Variants in ALDH9A1 observed in about 807,000 individuals in gnomAD.
The protein encoded by ALDH9A1 is 4-trimethylaminobutyraldehyde dehydrogenase.
In ALDH9A1, 42 loss-of-function variants were observed where a neutral mutation model predicts 56.6. That is an observed-to-expected ratio of 0.74 (90% CI 0.58 to 0.96). The LOEUF is 0.96. Ranked by LOEUF, ALDH9A1 falls within the 40% of genes least tolerant of loss-of-function variation. The pLI is 0.00. For missense variants in ALDH9A1, 661 were observed against 651.5 expected (o/e 1.01, Z -0.16); for synonymous variants, 242 against 236.0 (o/e 1.03, Z -0.23).
At chr1:165,679,008 A>G (rs1294429757) in intron 6 of ALDH9A1, among the ~76,000 whole-genome samples, 1 of 152,246 alleles carries the variant, frequency 6.6e-6, no homozygotes, top group African/African-American at 2.4e-5. Context: ...TACTATGAGG[A>G]CATTAGTCAA....
In ALDH9A1 at chr1:165,695,317, T is replaced by G; in HGVS notation, c.262A>C (p.Ile88Leu). ...AVQNAKAAFKIWSQKSGMERC... is the reference protein window; with the variant it reads ...AVQNAKAAFKLWSQKSGMERC... Reference sequence around the variant, plus strand: ...TCCATGCCAGATTTTTGACTCCATATTTTAAAAGCAGCCTTTGCATTTTGA... The same window carrying G: ...TCCATGCCAGATTTTTGACTCCATAGTTTAAAAGCAGCCTTTGCATTTTGA... The change falls in exon 2 of 11, where the codon ATA becomes CTA. Residue 88 changes from isoleucine to leucine, a missense_variant. By Grantham distance (5) the Ile-to-Leu change is conservative. Coordinates refer to ENST00000354775, the MANE Select transcript of ALDH9A1 (RefSeq NM_000696.4). 1 of 1,613,372 alleles carries G rather than the reference T, an allele frequency of 6.2e-7. No homozygotes were observed. The highest frequency in any genetic ancestry group is 8.5e-7 in the Non-Finnish European group (1 of 1,179,652).
At chr1:165,686,741 A>C (rs972737125) in intron 2 of ALDH9A1, among the ~76,000 whole-genome samples, 1 of 152,150 alleles carries the variant, frequency 6.6e-6, no homozygotes, top group African/African-American at 2.4e-5. Context: ...ATATTTTTTA[A>C]AGTACAAGAC....
At chr1:165,682,019 T>C (rs1457894805) in intron 4 of ALDH9A1, 88 bp downstream of exon 4, 10 of 1,528,000 alleles carry the variant, frequency 6.5e-6, no homozygotes, top group Non-Finnish European at 8.0e-6. Context: ...AGTGTGTGTT[T>C]ATAGAGAGGT....
chr1:165,668,382 T>A (rs2348729), intron 8 of ALDH9A1, among the ~76,000 whole-genome samples: 1 of 151,884 alleles, frequency 6.6e-6, no homozygotes, highest in South Asian at 2.1e-4. Context: ...AAGAGCCTGG[T>A]GCCTCTCTTG....
In ALDH9A1 at chr1:165,679,488, T is replaced by C. The variant is rs771362758; in HGVS notation, c.884A>G (p.Asn295Ser). ...GGCCATCAGCGCCCCCTTTACAGCA[T>C]TGTTCATATCACAGTCTGAGAAGAT... ...LIIFSDCDMNNAVKGALMANF... is the reference protein window; with the variant it reads ...LIIFSDCDMNSAVKGALMANF... Residue 295 changes from asparagine (N) to serine (S), a missense_variant, in exon 6 of 11, where the codon AAT becomes AGT. By Grantham distance (46) the Asn-to-Ser change is conservative. Coordinates refer to ENST00000354775, the MANE Select transcript of ALDH9A1 (RefSeq NM_000696.4). 6 of 1,614,052 alleles carry C rather than the reference T, an allele frequency of 3.7e-6. No individual in the cohort carries two copies. In the Admixed American group the frequency reaches 5.0e-5, roughly 13 times the overall value.
chr1:165,674,207 C>T (rs6669697), intron 6 of ALDH9A1, among the ~76,000 whole-genome samples: 61,876 of 150,308 alleles, frequency 0.41, 12,941 homozygotes, highest in Middle Eastern at 0.52. Context: ...GTTTAGCATA[C>T]GATCAAGAAA....
intron 2 of ALDH9A1, among the ~76,000 whole-genome samples, chr1:165,694,360 C>T (rs906463471): frequency 3.3e-5 from 5 of 152,182 alleles, no homozygotes; most frequent in South Asian, 2.1e-4. Flanking sequence ...GTTAGGCCAG[C>T]GTGGTAACTA....
At chr1:165,677,174 A>C (rs1342059862) in intron 6 of ALDH9A1, among the ~76,000 whole-genome samples, 1 of 151,450 alleles carries the variant, frequency 6.6e-6, no homozygotes, top group Admixed American at 6.6e-5. Flanking sequence ...GGAGTTCAAG[A>C]CCAGCCTGGC....
intron 2 of ALDH9A1, among the ~76,000 whole-genome samples, chr1:165,694,059 C>T (rs554323366): frequency 0.011 from 317 of 29,548 alleles, no homozygotes; most frequent in Middle Eastern, 0.017. Flanking sequence ...ACACCGGGGC[C>T]GTAGGGGGTG....
intron 9 of ALDH9A1, among the ~76,000 whole-genome samples, chr1:165,665,511 A>G (rs1481306127): frequency 6.6e-6 from 1 of 152,222 alleles, no homozygotes; most frequent in East Asian, 1.9e-4. Flanking sequence ...AGAACTATAA[A>G]ACTCTTTGAA....
In ALDH9A1 at chr1:165,668,681, G is replaced by A. The variant is rs1015537301; in HGVS notation, c.1207+245C>T. ...ATCAAATATGCACTTTCATATTTTTGAGCTCCTTGCTTCCAGAACAATAGT... is the reference window on the plus strand; with the variant it reads ...ATCAAATATGCACTTTCATATTTTTAAGCTCCTTGCTTCCAGAACAATAGT... On this transcript the variant is annotated intron_variant, in intron 8 of 10. Coordinates refer to ENST00000354775, the MANE Select transcript of ALDH9A1 (RefSeq NM_000696.4). 47 of 338,768 alleles carry A rather than the reference G, an allele frequency of 1.4e-4. No individual in the cohort carries two copies. In the Admixed American group the frequency reaches 1.6e-3, roughly 11 times the overall value. The allele number at this position is 338,768 out of a possible 1,614,324, so 21.0% of individuals were successfully genotyped here.
chr1:165,693,567 A>T (rs1487287643), intron 2 of ALDH9A1, among the ~76,000 whole-genome samples: 1 of 152,208 alleles, frequency 6.6e-6, no homozygotes, highest in Non-Finnish European at 1.5e-5. Context: ...AGGAAACAAC[A>T]GGTGCTGGAG....
intron 2 of ALDH9A1, among the ~76,000 whole-genome samples, chr1:165,692,512 G>A (rs1486174466): frequency 6.6e-6 from 1 of 152,188 alleles, no homozygotes; most frequent in Non-Finnish European, 1.5e-5. Context: ...TACAAGGGAT[G>A]TGAAGGACCT....
chr1:165,679,787 G>C lies in ALDH9A1; in HGVS notation c.790-205C>G, dbSNP rs544559828. ...CCACAGAGTTGCACTGACATTAGAAGAGGGAGTTCATTTAAAAAATATTGT... is the reference window on the plus strand; with the variant it reads ...CCACAGAGTTGCACTGACATTAGAACAGGGAGTTCATTTAAAAAATATTGT... On this transcript the variant is annotated intron_variant, in intron 5 of 10. Coordinates refer to ENST00000354775, the MANE Select transcript of ALDH9A1 (RefSeq NM_000696.4). Among the ~76,000 whole-genome samples the C allele has an allele frequency of 3.3e-5, 5 of 152,288 alleles. No homozygotes were observed. The East Asian group carries it at 7.7e-4, about 23-fold the overall frequency.
At chr1:165,682,890 T>G in intron 3 of ALDH9A1, 91 bp downstream of exon 3, 1 of 1,436,292 alleles carries the variant, frequency 7.0e-7, no homozygotes, top group Non-Finnish European at 9.3e-7. Flanking sequence ...CACCCAGGTT[T>G]GTCTTAATTC....
intron 2 of ALDH9A1, among the ~76,000 whole-genome samples, chr1:165,683,965 G>A (rs1051276277): frequency 6.6e-6 from 1 of 152,152 alleles, no homozygotes; most frequent in African/African-American, 2.4e-5. Context: ...ATACATAAAA[G>A]ATTAAGCAAC....
rs1282598828 is a variant in ALDH9A1 at position 165,669,032 on chromosome 1, G to T, written c.1120-19C>A. The T allele has an allele frequency of 6.4e-7, 1 of 1,564,582 alleles. No individual in the cohort carries two copies. The highest frequency in any genetic ancestry group is 1.4e-5 in the African/African-American group (1 of 72,706). On this transcript the variant is annotated intron_variant, in intron 7 of 10. Transcript: ENST00000354775. ...TAGCACCCTGCCGAAAAGGAAAAAA[G>T]ATATGTTGTATTAAAAATATAACCC...
chr1:165,678,978 A>G (rs537805101), intron 6 of ALDH9A1, among the ~76,000 whole-genome samples: 1 of 152,358 alleles, frequency 6.6e-6, no homozygotes, highest in South Asian at 2.1e-4. Flanking sequence ...ACCGGAAAAA[A>G]AACCATTTTT....
At position 165,679,502 on chromosome 1, in the gene ALDH9A1, G is replaced by C; in HGVS notation, c.870C>G (p.Asp290Glu). Reference protein sequence around the residue: ...GGKSPLIIFSDCDMNNAVKGA... With the variant: ...GGKSPLIIFSECDMNNAVKGA... ...CCTTTACAGCATTGTTCATATCACAGTCTGAGAAGATGATGAGTGGAGATT... is the reference window on the plus strand; with the variant it reads ...CCTTTACAGCATTGTTCATATCACACTCTGAGAAGATGATGAGTGGAGATT... Residue 290 changes from aspartate (D) to glutamate (E), a missense_variant, in exon 6 of 11, where the codon GAC becomes GAG. By Grantham distance (45) the Asp-to-Glu change is conservative. Transcript: ENST00000354775. 6.2e-7 allele frequency: 1 copy of C among 1,614,168 alleles called. No homozygotes were observed. The highest frequency in any genetic ancestry group is 8.5e-7 in the Non-Finnish European group (1 of 1,180,024).
Sources: allele counts gnomAD v4.1 joint callset (sites outside exome capture counted in the v4.1 genomes callset), GRCh38; gene constraint gnomAD v4.1.1; transcripts MANE v1.5; gene names NCBI Gene and HGNC (gene_info 2026-07-23, HGNC 2026-07-21).